Variants in ATP6V0E1 observed in about 807,000 individuals in gnomAD.
The protein encoded by ATP6V0E1 is ATPase H+ transporting V0 subunit e1.
In ATP6V0E1, 4 loss-of-function variants were observed where a neutral mutation model predicts 11.6. The ratio of observed to expected loss-of-function variants is 0.35; its 90% CI spans 0.17 to 0.79. The LOEUF (loss-of-function observed/expected upper bound fraction) is 0.79, where lower values mean the gene tolerates loss of function less well. Ranked by LOEUF, ATP6V0E1 falls within the 30% of genes least tolerant of loss-of-function variation. The pLI is 0.54. For synonymous variants in ATP6V0E1, 36 were observed against 34.8 expected (o/e 1.04, Z -0.13); for missense variants, 105 against 100.0 (o/e 1.05, Z -0.21).
At chr5:172,997,560 A>G (rs1167513130) in intron 2 of ATP6V0E1, among the ~76,000 whole-genome samples, 1 of 152,204 alleles carries the variant, frequency 6.6e-6, no homozygotes, top group East Asian at 1.9e-4. Flanking sequence ...CTGTAATCCC[A>G]GCACTTTGGG....
At chr5:172,996,557 G>A (rs560042589) in intron 2 of ATP6V0E1, among the ~76,000 whole-genome samples, 147 of 145,100 alleles carry the variant, frequency 1.0e-3, no homozygotes, top group African/African-American at 3.7e-3. Context: ...GCGAGACTCC[G>A]CCTCAAAAAA....
chr5:173,014,049 T>C (rs1057035174), intron 2 of ATP6V0E1, among the ~76,000 whole-genome samples: 9 of 151,180 alleles, frequency 6.0e-5, no homozygotes, highest in Non-Finnish European at 1.2e-4. Context: ...TAATCCCAGC[T>C]ACTCCTGAGG....
At chr5:173,014,160 T>TAAAA (rs757466248) in intron 2 of ATP6V0E1, among the ~76,000 whole-genome samples, 3 of 67,808 alleles carry the variant, frequency 4.4e-5, no homozygotes, top group East Asian at 3.8e-4. Context: ...GACTCCATCT[T>TAAAA]AAAAAAAAAA....
intron 3 of ATP6V0E1, among the ~76,000 whole-genome samples, chr5:173,031,288 T>G (rs1469720783): frequency 1.3e-5 from 2 of 151,776 alleles, no homozygotes; most frequent in Admixed American, 1.3e-4. Context: ...TACATCATGT[T>G]GTCCAGGCTG....
chr5:173,020,394 C>A, intron 3 of ATP6V0E1, 27 bp downstream of exon 3: 3 of 1,332,682 alleles, frequency 2.3e-6, no homozygotes, highest in Non-Finnish European at 3.2e-6. Flanking sequence ...CCTTTCTTAT[C>A]AGTATGGTCA....
At chr5:173,023,443 G>T (rs528051334) in intron 3 of ATP6V0E1, among the ~76,000 whole-genome samples, 1 of 152,286 alleles carries the variant, frequency 6.6e-6, no homozygotes, top group East Asian at 1.9e-4. Context: ...TGATCCACCC[G>T]CCTAGGCCTC....
At chr5:173,024,307 TC>T (rs764316602) in intron 3 of ATP6V0E1, among the ~76,000 whole-genome samples, 31 of 152,078 alleles carry the variant, frequency 2.0e-4, no homozygotes, top group Non-Finnish European at 4.1e-4. Flanking sequence ...GTGGCCAAGT[TC>T]CAGGGTATTC....
At chr5:173,031,817 T>C (rs28578452) in intron 3 of ATP6V0E1, among the ~76,000 whole-genome samples, 24,360 of 129,276 alleles carry the variant, frequency 0.19, 2,328 homozygotes, top group African/African-American at 0.27. Flanking sequence ...AGCGAGACTC[T>C]GCCTCAAAAA....
chr5:172,999,934 G>A (rs772184276), intron 2 of ATP6V0E1, among the ~76,000 whole-genome samples: 1 of 151,992 alleles, frequency 6.6e-6, no homozygotes, highest in Non-Finnish European at 1.5e-5. Context: ...AAATGTGGAC[G>A]GAATTCAAAC....
chr5:172,993,155 T>A (rs1756011106), intron 1 of ATP6V0E1, among the ~76,000 whole-genome samples: 1 of 152,168 alleles, frequency 6.6e-6, no homozygotes, highest in Non-Finnish European at 1.5e-5. Flanking sequence ...CCCTAATACA[T>A]ATACTGGACA....
chr5:172,987,467 A>G (rs1193275605), intron 1 of ATP6V0E1, among the ~76,000 whole-genome samples: 1 of 151,932 alleles, frequency 6.6e-6, no homozygotes, highest in African/African-American at 2.4e-5. Context: ...TATTTTCAGT[A>G]GAGAAGGGGT....
chr5:173,029,873 G>A (rs2042172), intron 3 of ATP6V0E1, among the ~76,000 whole-genome samples: 49,953 of 151,982 alleles, frequency 0.33, 9,114 homozygotes, highest in East Asian at 0.73. Context: ...TCCCTCCCCA[G>A]TCTGCCTTCC....
chr5:173,003,305 G>A (rs1270315766), intron 2 of ATP6V0E1, among the ~76,000 whole-genome samples: 1 of 152,174 alleles, frequency 6.6e-6, no homozygotes, highest in Non-Finnish European at 1.5e-5. Flanking sequence ...GGCCTCTCTG[G>A]CTCTTGATTT....
chr5:172,998,190 C>CTTTTTTTTTT (rs999790390), intron 2 of ATP6V0E1, among the ~76,000 whole-genome samples: 2 of 104,890 alleles, frequency 1.9e-5, no homozygotes, highest in Non-Finnish European at 3.8e-5. Context: ...AAAATTTAGT[C>CTTTTTTTTTT]TTTTTTTTTT....
chr5:172,990,377 T>G (rs1295770990), intron 1 of ATP6V0E1, among the ~76,000 whole-genome samples: 1 of 152,150 alleles, frequency 6.6e-6, no homozygotes, highest in Non-Finnish European at 1.5e-5. Context: ...CTCTAAAGCT[T>G]CCATTTTCTC....
Position 172,983,808 on chromosome 5 carries a change from T to C in ATP6V0E1, c.-53T>C, listed in dbSNP as rs898694194. 4 of 1,555,666 alleles carry C rather than the reference T, an allele frequency of 2.6e-6. No homozygotes were observed. The African/African-American group carries it at 5.4e-5, about 21-fold the overall frequency. ...CACGCGGTCAGCTATTGACACTTCC[T>C]GGTGGGATCCGAGTGAGGCGACGGG... On this transcript the variant is annotated 5_prime_UTR_variant, in exon 1 of 4. Transcript: ENST00000519374.
rs189834259 is a variant in ATP6V0E1, at chr5:173,008,269, G to A, written c.153-11969G>A. Among the ~76,000 whole-genome samples, 750 of 151,892 alleles carry A rather than the reference G, an allele frequency of 4.9e-3. 8 individuals carry two copies. Among genetic ancestry groups the A allele is most frequent in the African/African-American group, 0.017 (713 of 41,472 alleles). ...ACACACTCCAAATGTCTTTGTAAGG[G>A]AGAGTCCTGTTCCTTTTTTTTTCTT... On this transcript the variant is annotated intron_variant, in intron 2 of 3. Coordinates refer to ENST00000519374, the MANE Select transcript of ATP6V0E1 (RefSeq NM_003945.4).
intron 2 of ATP6V0E1, among the ~76,000 whole-genome samples, chr5:173,003,187 G>T (rs1228180905): frequency 1.3e-5 from 2 of 152,066 alleles, no homozygotes; most frequent in Non-Finnish European, 2.9e-5. Flanking sequence ...GGGGCTGAAG[G>T]ATAAGTGAGG....
At chr5:172,987,856 GC>G (rs1318460010) in intron 1 of ATP6V0E1, among the ~76,000 whole-genome samples, 1 of 151,978 alleles carries the variant, frequency 6.6e-6, no homozygotes, top group Admixed American at 6.6e-5. Flanking sequence ...TAGGACATAG[GC>G]GTGCACCACT....
Sources: allele counts gnomAD v4.1 joint callset (sites outside exome capture counted in the v4.1 genomes callset), GRCh38; gene constraint gnomAD v4.1.1; transcripts MANE v1.5; gene names NCBI Gene and HGNC (gene_info 2026-07-23, HGNC 2026-07-21).